The following DENND6A variants were observed in gnomAD, a reference collection of about 807,000 sequenced individuals.
The protein encoded by DENND6A is protein DENND6A.
Under a neutral mutation model 95.5 loss-of-function variants are expected in DENND6A, and 43 were observed. The observed-to-expected ratio is 0.45, with a 90% CI of 0.35 to 0.58. The LOEUF is 0.58. Ranked by LOEUF, DENND6A falls within the 20% of genes least tolerant of loss-of-function variation. The pLI is 0.00. For missense variants in DENND6A, 574 were observed against 736.0 expected (o/e 0.78, Z 2.55); for synonymous variants, 257 against 260.4 (o/e 0.99, Z 0.13).
In DENND6A at chr3:57,641,331, TA is replaced by T. The variant is rs1051714547; in HGVS notation, c.1132+321del. On this transcript the variant is annotated intron_variant, in intron 12 of 19. Coordinates refer to ENST00000311128, the MANE Select transcript of DENND6A (RefSeq NM_152678.3). ...TATATTTATATTCAATATATTATAT[TA>T]AAATATATATTTAAGTATATATTTA... is the stretch of plus-strand genomic sequence containing the variant. Among the ~76,000 whole-genome samples the T allele has an allele frequency of 4.0e-3, 582 of 144,830 alleles. 1 individual carries two copies. Among genetic ancestry groups the T allele is most frequent in the Non-Finnish European group, 6.3e-3 (419 of 66,192 alleles).
At chr3:57,657,829 C>T in intron 8 of DENND6A, 94 bp from the exon 9 acceptor site, 2 of 714,608 alleles carry the variant, frequency 2.8e-6, no homozygotes, top group Admixed American at 6.0e-5. Flanking sequence ...AGCCATGCTG[C>T]CCTGTCTAAC....
At chr3:57,673,059 C>A (rs1441603700) in intron 1 of DENND6A, among the ~76,000 whole-genome samples, 1 of 150,892 alleles carries the variant, frequency 6.6e-6, no homozygotes, top group African/African-American at 2.4e-5. Context: ...TACTAAAATA[C>A]AAAAATTAGC....
In DENND6A at chr3:57,692,873, C is replaced by T. The variant is rs1481284976; in HGVS notation, c.146G>A (p.Gly49Asp). 6.3e-7 allele frequency: 1 copy of T among 1,585,402 alleles called. No individual in the cohort carries two copies. Among genetic ancestry groups the T allele is most frequent in the Non-Finnish European group, 8.5e-7 (1 of 1,169,946 alleles). Residue 49 changes from glycine to aspartate, a missense_variant, in exon 1 of 20, where the codon GGC (glycine) becomes GAC (aspartate). Gly to Asp is a moderately conservative substitution (Grantham distance 94). Transcript: ENST00000311128. ...GCTGTCCCAGCGCAGCAGGCCCCGGCCACGGCCATCGTCCTCTTCATCGTC... is the reference window on the plus strand; with the variant it reads ...GCTGTCCCAGCGCAGCAGGCCCCGGTCACGGCCATCGTCCTCTTCATCGTC... ...PEDDEEDDGR[G>D]RGLLRWDSFS...
At position 57,692,840 on chromosome 3, in the gene DENND6A, G is replaced by A. The variant is rs775411951; in HGVS notation, c.179C>T (p.Ala60Val). ...CACCACACACACGCAGTGCAGCCAGGCGGAGAAGCTGTCCCAGCGCAGCAG... is the reference window on the plus strand; with the variant it reads ...CACCACACACACGCAGTGCAGCCAGACGGAGAAGCTGTCCCAGCGCAGCAG... ...RGLLRWDSFS[A>V]WLHCVCVVGF... Residue 60 changes from alanine to valine, a missense_variant, in exon 1 of 20, where the codon GCC becomes GTC. Physicochemically the swap from Ala to Val is moderately conservative, Grantham distance 64. Around this residue, in one of 2 missense-constraint regions of DENND6A, gnomAD observed 122 missense variants for 105.1 expected, o/e 1.16. Transcript: ENST00000311128. The A allele has an allele frequency of 1.9e-6, 3 of 1,584,200 alleles. No individual in the cohort carries two copies. The highest frequency in any genetic ancestry group is 1.8e-5 in the Admixed American group (1 of 57,044).
intron 1 of DENND6A, among the ~76,000 whole-genome samples, chr3:57,688,899 A>G (rs1428852336): frequency 6.6e-6 from 1 of 152,182 alleles, no homozygotes; most frequent in African/African-American, 2.4e-5. Flanking sequence ...ATTAACAAAA[A>G]TGCCGAATAT....
At chr3:57,666,337 C>A in intron 3 of DENND6A, 102 bp from the exon 4 acceptor site, 5 of 928,572 alleles carry the variant, frequency 5.4e-6, no homozygotes, top group Non-Finnish European at 8.0e-6. Context: ...ATCATTTTAA[C>A]CCATTCTGTC....
intron 4 of DENND6A, 109 bp downstream of exon 4, chr3:57,666,014 A>T: frequency 1.3e-6 from 1 of 798,632 alleles, no homozygotes; most frequent in Non-Finnish European, 2.1e-6. Context: ...TATATAATAT[A>T]GTAGCAAAAC....
chr3:57,682,960 G>C (rs1205574138), intron 1 of DENND6A, among the ~76,000 whole-genome samples: 1 of 152,214 alleles, frequency 6.6e-6, no homozygotes, highest in African/African-American at 2.4e-5. Flanking sequence ...CTACAGGCAT[G>C]AGCCAGCACA....
intron 1 of DENND6A, among the ~76,000 whole-genome samples, chr3:57,684,533 G>T (rs2077195212): frequency 6.6e-6 from 1 of 152,012 alleles, no homozygotes; most frequent in African/African-American, 2.4e-5. Flanking sequence ...GCTAAGGCAG[G>T]TGGACTGTGG....
At chr3:57,673,720 C>T (rs926908369) in intron 1 of DENND6A, among the ~76,000 whole-genome samples, 3 of 152,170 alleles carry the variant, frequency 2.0e-5, no homozygotes, top group African/African-American at 7.2e-5. Context: ...TATATATCCA[C>T]AATAATGAAG....
In DENND6A at chr3:57,692,887, C is replaced by A; in HGVS notation, c.132G>T (p.Glu44Asp). ...AAGGAPEDDE[E>D]DDGRGRGLLR... The stretch of plus-strand genomic sequence containing the variant: ...GCAGGCCCCGGCCACGGCCATCGTC[C>A]TCTTCATCGTCCTCTGGCGCGCCTC... Residue 44 changes from glutamate (E) to aspartate (D), a missense_variant, in exon 1 of 20, where the codon GAG (glutamate) becomes GAT (aspartate). Around this residue, in one of 2 missense-constraint regions of DENND6A, gnomAD observed 122 missense variants for 105.1 expected, o/e 1.16. Coordinates refer to ENST00000311128, the MANE Select transcript of DENND6A (RefSeq NM_152678.3). 6.3e-7 allele frequency: 1 copy of A among 1,583,192 alleles called. No individual in the cohort carries two copies. The highest frequency in any genetic ancestry group is 8.6e-7 in the Non-Finnish European group (1 of 1,169,330).
At chr3:57,647,196 C>T (rs927440569) in intron 9 of DENND6A, among the ~76,000 whole-genome samples, 4 of 152,076 alleles carry the variant, frequency 2.6e-5, no homozygotes, top group Non-Finnish European at 5.9e-5. Flanking sequence ...AAAAATCAAA[C>T]AACAATTAAG....
intron 1 of DENND6A, among the ~76,000 whole-genome samples, chr3:57,676,096 G>A (rs1559828816): frequency 1.3e-5 from 2 of 151,936 alleles, no homozygotes; most frequent in African/African-American, 4.8e-5. Context: ...AGTCCTTCTT[G>A]GCCAGGTGCC....
intron 1 of DENND6A, among the ~76,000 whole-genome samples, chr3:57,681,438 T>A (rs548482871): frequency 2.6e-5 from 4 of 151,480 alleles, no homozygotes; most frequent in Non-Finnish European, 4.4e-5. Context: ...CACTCCAGCC[T>A]GGGTGACAGA....
rs772752321 is a variant in DENND6A, at chr3:57,646,446, G to T, written c.819-8C>A. On this transcript the variant is annotated splice_polypyrimidine_tract_variant and splice_region_variant and intron_variant, in intron 9 of 19. Coordinates refer to ENST00000311128, the MANE Select transcript of DENND6A (RefSeq NM_152678.3). Reference sequence around the variant, plus strand: ...AAAACTGGGCAGAAACACCTGAAAGGTGATGCACAGTAGAAATACTTTTTA... The same window carrying T: ...AAAACTGGGCAGAAACACCTGAAAGTTGATGCACAGTAGAAATACTTTTTA... The T allele has an allele frequency of 1.2e-6, 2 of 1,605,214 alleles. No individual in the cohort carries two copies. Among genetic ancestry groups the T allele is most frequent in the East Asian group, 4.5e-5 (2 of 44,836 alleles).
In DENND6A at chr3:57,626,230, C is replaced by G. The variant is rs1483602453; in HGVS notation, c.*1984G>C. On this transcript the variant is annotated 3_prime_UTR_variant, in exon 20 of 20. Transcript: ENST00000311128. The stretch of plus-strand genomic sequence containing the variant: ...AACAGGGCACATTTGGGTATTAGAC[C>G]ACAGTTACAAACGCAAGGAGTCTTT... The G allele has an allele frequency of 6.6e-6, 1 of 152,544 alleles. No individual in the cohort carries two copies. Among genetic ancestry groups the G allele is most frequent in the Non-Finnish European group, 1.5e-5 (1 of 68,028 alleles). The allele number at this position is 152,544 out of a possible 1,614,324, so 9.4% of individuals were successfully genotyped here.
chr3:57,689,588 C>A (rs1196514272), intron 1 of DENND6A, among the ~76,000 whole-genome samples: 2 of 152,126 alleles, frequency 1.3e-5, no homozygotes, highest in East Asian at 1.9e-4. Context: ...TAGGACAGGG[C>A]CTTAAAAGAC....
At chr3:57,637,334 G>A in intron 12 of DENND6A, among the ~76,000 whole-genome samples, 1 of 152,060 alleles carries the variant, frequency 6.6e-6, no homozygotes, top group East Asian at 1.9e-4. Context: ...CAAGGATGTG[G>A]GTGCACTAAA....
chr3:57,663,497 T>C (rs537424689), intron 5 of DENND6A, 139 bp downstream of exon 5: 336 of 149,616 alleles, frequency 2.2e-3, no homozygotes, highest in Middle Eastern at 9.2e-3. Flanking sequence ...AATATATATA[T>C]ACACACACAC....
Sources: gnomAD v4.1 joint callset for allele counts (sites outside exome capture counted in the v4.1 genomes callset) on GRCh38, gnomAD v4.1.1 for gene constraint, gnomAD v4.1.1 regional missense constraint, MANE v1.5 for transcripts, NCBI Gene and HGNC (gene_info 2026-07-23, HGNC 2026-07-21) for gene names.